Variants in CDH4 observed in about 807,000 individuals in gnomAD.
The protein encoded by CDH4 is cadherin 4, also known as cadherin-4.
In CDH4, 33 loss-of-function variants were observed where a neutral mutation model predicts 86.0. The observed-to-expected ratio is 0.38, with a 90% CI of 0.29 to 0.51. The LOEUF is 0.51. Among genes scored for constraint, CDH4 ranks in the 20% least tolerant of loss-of-function variants. The pLI is 0.86. For missense variants in CDH4, 1,114 were observed against 1,307.4 expected, an observed-to-expected ratio of 0.85 and a Z score of 2.28; for synonymous variants, 555 against 549.4, an observed-to-expected ratio of 1.01 and a Z score of -0.14.
At chr20:61,873,257 T>G (rs1241369225) in intron 6 of CDH4, among the ~76,000 whole-genome samples, 1 of 152,238 alleles carries the variant, frequency 6.6e-6, no homozygotes, top group Non-Finnish European at 1.5e-5. Context: ...CAGTGTTTAT[T>G]ATACAGCTTC....
chr20:61,775,201 G>A (rs1261351724), intron 4 of CDH4, among the ~76,000 whole-genome samples: 1 of 152,142 alleles, frequency 6.6e-6, no homozygotes, highest in Non-Finnish European at 1.5e-5. Flanking sequence ...TAAGGTGAGA[G>A]AACAAAGGCT....
chr20:61,337,636 A>T (rs560518250), intron 2 of CDH4, among the ~76,000 whole-genome samples: 51 of 152,170 alleles, frequency 3.4e-4, no homozygotes, highest in African/African-American at 1.2e-3. Context: ...TCCATTTCCA[A>T]AGCCTCTCCC....
At chr20:61,935,016 A>G (rs1370824969) in intron 15 of CDH4, among the ~76,000 whole-genome samples, 2 of 152,226 alleles carry the variant, frequency 1.3e-5, no homozygotes, top group South Asian at 2.1e-4. Flanking sequence ...TGAAGAGAAC[A>G]GAGGAGCAAG....
At chr20:61,853,745 G>A (rs1982851080) in intron 6 of CDH4, among the ~76,000 whole-genome samples, 1 of 152,194 alleles carries the variant, frequency 6.6e-6, no homozygotes, top group Non-Finnish European at 1.5e-5. Flanking sequence ...TGCTGCAGGT[G>A]GCCTGGGGCT....
chr20:61,823,651 C>G (rs894260596), intron 4 of CDH4, among the ~76,000 whole-genome samples: 1 of 152,064 alleles, frequency 6.6e-6, no homozygotes, highest in Non-Finnish European at 1.5e-5. Flanking sequence ...TCTTTGTATC[C>G]CAAACCCATG....
chr20:61,485,678 C>T (rs1426844297), intron 2 of CDH4, among the ~76,000 whole-genome samples: 3 of 142,522 alleles, frequency 2.1e-5, no homozygotes, highest in East Asian at 1.9e-4. Context: ...ATTCTCCTGA[C>T]TCTTGTGCAG....
chr20:61,929,609 G>T lies in CDH4; in HGVS notation c.2006G>T (p.Gly669Val), dbSNP rs1397595906. Reference protein sequence around the residue: ...RKNWTITRLNGDYAQLSLRIL... With the variant: ...RKNWTITRLNVDYAQLSLRIL... ...AATGTTTACTGTTGCTTTGCACCAG[G>T]TGACTATGCCCAACTCAGCTTGCGC... Residue 669 changes from glycine (G) to valine (V), a missense_variant and splice_region_variant, in exon 13 of 16, where the codon GGT becomes GTT. Gly to Val is a moderately radical substitution (Grantham distance 109, BLOSUM62 -3). Transcript: ENST00000614565. The T allele has an allele frequency of 6.2e-7, 1 of 1,612,394 alleles. No individual in the cohort carries two copies. The highest frequency in any genetic ancestry group is 1.3e-5 in the African/African-American group (1 of 74,884).
At position 61,518,596 on chromosome 20, in the gene CDH4, T is replaced by C. The variant is rs966503653; in HGVS notation, c.170-224967T>C. Reference sequence around the variant, plus strand: ...TATCCATCCATATATCATCCATCCATCATCATCCACTCATCCATCCATCCT... The same window carrying C: ...TATCCATCCATATATCATCCATCCACCATCATCCACTCATCCATCCATCCT... On this transcript the variant is annotated intron_variant, in intron 2 of 15. Coordinates refer to ENST00000614565, the MANE Select transcript of CDH4 (RefSeq NM_001794.5). The surrounding 1 kb of genome is among the most constrained non-coding windows in gnomAD (Gnocchi z 6.3). 6.6e-6 allele frequency among the ~76,000 whole-genome samples: 1 copy of C among 151,836 alleles called. No homozygotes were observed. Among genetic ancestry groups the C allele is most frequent in the African/African-American group, 2.4e-5 (1 of 41,326 alleles).
intron 2 of CDH4, among the ~76,000 whole-genome samples, chr20:61,334,245 G>C (rs907548868): frequency 6.6e-6 from 1 of 152,220 alleles, no homozygotes; most frequent in Admixed American, 6.5e-5. Flanking sequence ...GACCTGAAAT[G>C]AGGCTCATGG....
chr20:61,457,231 C>T (rs908486267), intron 2 of CDH4, among the ~76,000 whole-genome samples: 18 of 152,142 alleles, frequency 1.2e-4, no homozygotes, highest in African/African-American at 4.1e-4. Context: ...CTTCCACTTA[C>T]CTGGGATGTT....
At chr20:61,933,730 G>T (rs2055143016) in intron 14 of CDH4, among the ~76,000 whole-genome samples, 1 of 150,406 alleles carries the variant, frequency 6.6e-6, no homozygotes, top group African/African-American at 2.5e-5. Context: ...GTGCCTTGCG[G>T]AGGCCCAGCT....
intron 2 of CDH4, among the ~76,000 whole-genome samples, chr20:61,414,011 C>A (rs1185158904): frequency 6.6e-6 from 1 of 152,182 alleles, no homozygotes; most frequent in Non-Finnish European, 1.5e-5. Flanking sequence ...CACCCTGTGA[C>A]CTCCCAAGGT....
At chr20:61,397,962 G>T (rs1286141224) in intron 2 of CDH4, among the ~76,000 whole-genome samples, 1 of 152,136 alleles carries the variant, frequency 6.6e-6, no homozygotes, top group East Asian at 1.9e-4. Context: ...GGCCTGACCT[G>T]CCCGATGGAG....
chr20:61,866,285 G>A (rs574306481), intron 6 of CDH4, among the ~76,000 whole-genome samples: 2 of 152,300 alleles, frequency 1.3e-5, no homozygotes, highest in African/African-American at 4.8e-5. Context: ...TCTCAGAAAC[G>A]ATGTCAGCTT....
intron 2 of CDH4, among the ~76,000 whole-genome samples, chr20:61,274,643 G>A (rs2084215478): frequency 9.1e-6 from 1 of 110,126 alleles, no homozygotes; most frequent in Non-Finnish European, 2.1e-5. Flanking sequence ...TGTGCAGTTT[G>A]CAGGAGTACC....
intron 2 of CDH4, among the ~76,000 whole-genome samples, chr20:61,327,639 G>A (rs769355013): frequency 6.6e-6 from 1 of 152,114 alleles, no homozygotes; most frequent in Admixed American, 6.5e-5. Flanking sequence ...GCAGGGAGTT[G>A]GTGGAGTACA....
intron 2 of CDH4, among the ~76,000 whole-genome samples, chr20:61,660,591 G>A (rs570076301): frequency 2.0e-5 from 3 of 152,272 alleles, no homozygotes; most frequent in African/African-American, 7.2e-5. Flanking sequence ...AGCTCAGGAG[G>A]CAGAGGGGTG....
intron 2 of CDH4, among the ~76,000 whole-genome samples, chr20:61,706,435 ATG>A (rs1362390250): frequency 2.6e-5 from 4 of 152,044 alleles, no homozygotes; most frequent in African/African-American, 9.7e-5. Context: ...CAACAATAAC[ATG>A]TGGGGCACGG....
intron 2 of CDH4, among the ~76,000 whole-genome samples, chr20:61,735,723 A>G (rs1174666968): frequency 6.6e-6 from 1 of 152,208 alleles, no homozygotes; most frequent in East Asian, 1.9e-4. Context: ...TGCTGCAGGA[A>G]TGGAGGAATC....
Sources: allele counts gnomAD v4.1 joint callset (sites outside exome capture counted in the v4.1 genomes callset), GRCh38; gene constraint gnomAD v4.1.1; non-coding constraint Gnocchi (gnomAD v3.1); transcripts MANE v1.5; gene names NCBI Gene and HGNC (gene_info 2026-07-23, HGNC 2026-07-21).